NRG3: variants seen among roughly 807,000 people sequenced by gnomAD.
The protein encoded by NRG3 is neuregulin 3.
In NRG3, 31 loss-of-function variants were observed where a neutral mutation model predicts 66.9. That is an observed-to-expected ratio of 0.46 (90% CI 0.35 to 0.63). The LOEUF (loss-of-function observed/expected upper bound fraction) is 0.63, where lower values mean the gene tolerates loss of function less well. Ranked by LOEUF, NRG3 falls within the 20% of genes least tolerant of loss-of-function variation. NRG3 has a pLI of 0.00. For missense variants in NRG3, 910 were observed against 878.9 expected (o/e 1.04, Z -0.45); for synonymous variants, 393 against 359.4 (o/e 1.09, Z -1.06).
At chr10:82,107,324 A>G (rs2067129836) in intron 1 of NRG3, among the ~76,000 whole-genome samples, 1 of 152,238 alleles carries the variant, frequency 6.6e-6, no homozygotes, top group Non-Finnish European at 1.5e-5. Flanking sequence ...TAGAAAATGT[A>G]GCAACATGCT....
intron 4 of NRG3, among the ~76,000 whole-genome samples, chr10:82,909,565 G>C (rs1458920393): frequency 6.6e-6 from 1 of 152,104 alleles, no homozygotes; most frequent in Admixed American, 6.6e-5. Context: ...TGCACACCTA[G>C]ATACTCCCAC....
At chr10:82,019,580 G>A (rs1193405006) in intron 1 of NRG3, among the ~76,000 whole-genome samples, 3 of 152,030 alleles carry the variant, frequency 2.0e-5, no homozygotes, top group African/African-American at 4.8e-5. Context: ...AATTTTTTTG[G>A]TTGGTAAGCT....
chr10:82,128,023 C>A (rs2068563351), intron 1 of NRG3, among the ~76,000 whole-genome samples: 2 of 151,824 alleles, frequency 1.3e-5, no homozygotes, highest in Non-Finnish European at 2.9e-5. Flanking sequence ...AAATTGAAGC[C>A]CATAAATAGA....
At chr10:81,916,812 G>A (rs1260294625) in intron 1 of NRG3, among the ~76,000 whole-genome samples, 1 of 152,144 alleles carries the variant, frequency 6.6e-6, no homozygotes, top group Non-Finnish European at 1.5e-5. Context: ...TAATTGTACT[G>A]CCTTTCTGCC....
intron 1 of NRG3, among the ~76,000 whole-genome samples, chr10:82,167,149 C>T (rs2072145027): frequency 6.6e-6 from 1 of 151,882 alleles, no homozygotes. Context: ...TTTTCTTCCT[C>T]ATTGGTCTTA....
chr10:82,623,551 C>T (rs112429223), intron 2 of NRG3, among the ~76,000 whole-genome samples: 2 of 152,256 alleles, frequency 1.3e-5, no homozygotes, highest in African/African-American at 4.8e-5. Context: ...GGGATAGTTA[C>T]ATGGCTCAAC....
chr10:82,979,020 C>T lies in NRG3; in HGVS notation c.1483C>T (p.Pro495Ser). Residue 495 changes from proline to serine, a missense_variant, in exon 8 of 9, where the codon CCC becomes TCC. By Grantham distance (74) the Pro-to-Ser change is moderately conservative. Transcript: ENST00000372141. ...MLHRNAFRRT[P>S]PSPRSRLGGI... ...CCATAGGAATGCCTTCAGAAGGACA[C>T]CCCCGTCACCCCGAAGTAGGCTAGG... 6.2e-7 allele frequency: 1 copy of T among 1,614,054 alleles called. No homozygotes were observed. The highest frequency in any genetic ancestry group is 1.1e-5 in the South Asian group (1 of 91,082).
intron 2 of NRG3, among the ~76,000 whole-genome samples, chr10:82,538,130 A>G (rs192041707): frequency 1.3e-5 from 2 of 152,294 alleles, no homozygotes; most frequent in East Asian, 3.9e-4. Context: ...TGTGCCCCAG[A>G]TGTGTACCTT....
At chr10:82,566,352 G>C (rs930242610) in intron 2 of NRG3, among the ~76,000 whole-genome samples, 1 of 151,810 alleles carries the variant, frequency 6.6e-6, no homozygotes, top group Non-Finnish European at 1.5e-5. Context: ...TAAATTTTCA[G>C]AATCGAAGAA....
At chr10:82,532,349 G>A (rs552018087) in intron 2 of NRG3, among the ~76,000 whole-genome samples, 1 of 150,894 alleles carries the variant, frequency 6.6e-6, no homozygotes, top group East Asian at 1.9e-4. Context: ...CCAAGTTATG[G>A]CATGTTGCAG....
intron 3 of NRG3, among the ~76,000 whole-genome samples, chr10:82,836,265 A>C (rs2062770192): frequency 6.6e-6 from 1 of 152,162 alleles, no homozygotes; most frequent in Non-Finnish European, 1.5e-5. Context: ...TTTTATAAAA[A>C]AAAATTGATG....
At chr10:82,313,986 A>T (rs1450396210) in intron 1 of NRG3, among the ~76,000 whole-genome samples, 1 of 152,174 alleles carries the variant, frequency 6.6e-6, no homozygotes, top group African/African-American at 2.4e-5. Flanking sequence ...ACTGTTTTGA[A>T]ATATGAGCTC....
intron 1 of NRG3, among the ~76,000 whole-genome samples, chr10:81,949,916 G>A (rs754609103): frequency 6.6e-6 from 1 of 152,172 alleles, no homozygotes; most frequent in South Asian, 2.1e-4. Flanking sequence ...TTATCAGTCA[G>A]AAGTTTTGCT....
chr10:82,145,162 C>T (rs978160992), intron 1 of NRG3, among the ~76,000 whole-genome samples: 4 of 152,172 alleles, frequency 2.6e-5, no homozygotes, highest in Admixed American at 6.5e-5. Context: ...TTTGGTATGG[C>T]TGGCTGTGTG....
At chr10:82,699,449 A>T (rs1258063183) in intron 2 of NRG3, among the ~76,000 whole-genome samples, 1 of 152,152 alleles carries the variant, frequency 6.6e-6, no homozygotes, top group East Asian at 1.9e-4. Context: ...GGCAAAGATC[A>T]TCCTCATCCC....
At chr10:82,717,864 TA>T (rs1477615349) in intron 2 of NRG3, among the ~76,000 whole-genome samples, 1 of 151,774 alleles carries the variant, frequency 6.6e-6, no homozygotes. Context: ...TTTTTTTTTT[TA>T]ATAGTGAGCC....
intron 1 of NRG3, among the ~76,000 whole-genome samples, chr10:81,928,511 G>A (rs1362314177): frequency 1.3e-5 from 2 of 152,138 alleles, no homozygotes; most frequent in African/African-American, 4.8e-5. Context: ...AAAGAATTGA[G>A]TGCTTTATTT....
At chr10:82,292,401 A>T (rs190562210) in intron 1 of NRG3, among the ~76,000 whole-genome samples, 1 of 152,310 alleles carries the variant, frequency 6.6e-6, no homozygotes, top group Admixed American at 6.5e-5. Flanking sequence ...ATTTGGTACA[A>T]CCACTCTGGA....
At chr10:81,987,671 GAT>G (rs1040960366) in intron 1 of NRG3, among the ~76,000 whole-genome samples, 7 of 152,276 alleles carry the variant, frequency 4.6e-5, no homozygotes, top group African/African-American at 1.7e-4. Flanking sequence ...CTGGTAAAAT[GAT>G]ATATGAGTTA....
Sources: allele counts gnomAD v4.1 joint callset (sites outside exome capture counted in the v4.1 genomes callset), GRCh38; gene constraint gnomAD v4.1.1; transcripts MANE v1.5; gene names NCBI Gene and HGNC (gene_info 2026-07-23, HGNC 2026-07-21).